Variants in CTSB observed in about 807,000 individuals in gnomAD.
CTSB encodes the protein APP secretase.
A neutral mutation model predicts 44.3 loss-of-function variants in CTSB; 57 were observed. The observed-to-expected ratio is 1.29, with a 90% CI of 1.04 to 1.60. The LOEUF (loss-of-function observed/expected upper bound fraction) is 1.60, where lower values mean the gene tolerates loss of function less well. CTSB is among the 40% of genes most tolerant of loss of function. The pLI is 0.00. For synonymous variants in CTSB, 320 were observed against 168.0 expected (o/e 1.91, Z -7.00); for missense variants, 768 against 443.0 (o/e 1.73, Z -6.59).
chr8:11,847,872 A>C, intron 6 of CTSB, 50 bp from the exon 7 acceptor site: 1 of 1,424,608 alleles, frequency 7.0e-7, no homozygotes, highest in Non-Finnish European at 9.2e-7. Context: ...CCCACGGAGA[A>C]GACCTGGGGC....
rs1280444597 is a variant in CTSB at position 11,844,443 on chromosome 8, TC to T, written c.*681del. 1 of 152,190 alleles carries T rather than the reference TC, an allele frequency of 6.6e-6. No individual in the cohort carries two copies. Among genetic ancestry groups the T allele is most frequent in the African/African-American group, 2.4e-5 (1 of 41,424 alleles). The allele number at this position is 152,190 out of a possible 1,614,324, so 9.4% of individuals were successfully genotyped here. A position where few individuals can be genotyped will look rare whatever the true frequency, so the allele number is the denominator to read the frequency against. On this transcript the variant is annotated 3_prime_UTR_variant, in exon 10 of 10. Transcript: ENST00000353047. ...ACTATTTTCCTTGTGGTAGTAGAGA[TC>T]AGTGGGTCAGAAACAACTCCTGACC...
intron 1 of CTSB, among the ~76,000 whole-genome samples, chr8:11,860,729 GCACGGGAA>G (rs1286795365): frequency 2.0e-5 from 3 of 152,240 alleles, no homozygotes; most frequent in Non-Finnish European, 4.4e-5. Flanking sequence ...GCGGCTAAGA[GCACGGGAA>G]CAGTGGAAAG....
In CTSB at chr8:11,844,634, G is replaced by A. The variant is rs1812888587; in HGVS notation, c.*491C>T. The A allele has an allele frequency of 6.4e-6, 1 of 155,962 alleles. No homozygotes were observed. The highest frequency in any genetic ancestry group is 6.2e-5 in the Admixed American group (1 of 16,018). The allele number at this position is 155,962 out of a possible 1,614,324, so 9.7% of individuals were successfully genotyped here. ...ACAAGATCAGAGAGGTTGTGACATT[G>A]CAAACTCGATAGATGCAGGGGGCCT... On this transcript the variant is annotated 3_prime_UTR_variant, in exon 10 of 10. Transcript: ENST00000353047.
At chr8:11,848,544 G>C (rs1192039022) in intron 5 of CTSB, 4 of 360,672 alleles carry the variant, frequency 1.1e-5, no homozygotes, top group East Asian at 1.4e-4. Context: ...CATTTAACTA[G>C]TTAGGGGAGA....
chr8:11,856,988 A>T (rs1227195595), intron 1 of CTSB, among the ~76,000 whole-genome samples: 1 of 152,194 alleles, frequency 6.6e-6, no homozygotes, highest in Non-Finnish European at 1.5e-5. Context: ...TCCTCAGAGC[A>T]TTTCCAATTT....
chr8:11,848,212 C>G (rs781075536), intron 5 of CTSB, 60 bp from the exon 6 acceptor site: 2 of 1,481,434 alleles, frequency 1.4e-6, no homozygotes, highest in Admixed American at 3.4e-5. Flanking sequence ...CTCCAGACCA[C>G]TGTGTGCTAC....
chr8:11,865,367 A>AC (rs779307668), intron 1 of CTSB: 2 of 151,712 alleles, frequency 1.3e-5, no homozygotes, highest in Admixed American at 1.3e-4. Context: ...ACGTGGCAAA[A>AC]CCCCCACATT....
At chr8:11,854,395 T>C (rs1815163228) in intron 1 of CTSB, among the ~76,000 whole-genome samples, 1 of 152,198 alleles carries the variant, frequency 6.6e-6, no homozygotes. Flanking sequence ...CTAGGGGTTC[T>C]ATCTGAAGAA....
chr8:11,865,508 G>C (rs985195816), intron 1 of CTSB: 12 of 12,574 alleles, frequency 9.5e-4, no homozygotes, highest in African/African-American at 3.6e-3. Context: ...AGAATGGCTT[G>C]AACACAGGAA....
rs1182209502 is a variant in CTSB, at chr8:11,845,233, AAAGT to A, written c.923-15_923-12del. 4 of 1,598,248 alleles carry A rather than the reference AAAGT, an allele frequency of 2.5e-6. No individual in the cohort carries two copies. The highest frequency in any genetic ancestry group is 2.2e-5 in the East Asian group (1 of 44,794). ...GTATTTTAAAGAAGCCTGGGAATAA[AAAGT>A]AAGGTGCTTTTAAAGTGTGACAAGG... On this transcript the variant is annotated splice_polypyrimidine_tract_variant and intron_variant, in intron 9 of 9. Coordinates refer to ENST00000353047, the MANE Select transcript of CTSB (RefSeq NM_001908.5).
At chr8:11,865,045 C>G (rs1448096963) in intron 1 of CTSB, among the ~76,000 whole-genome samples, 1 of 152,202 alleles carries the variant, frequency 6.6e-6, no homozygotes, top group Non-Finnish European at 1.5e-5. Context: ...CCCACATGCT[C>G]TTTCTCAGGC....
chr8:11,854,207 G>C (rs1308195594), intron 1 of CTSB, among the ~76,000 whole-genome samples: 1 of 152,056 alleles, frequency 6.6e-6, no homozygotes, highest in Non-Finnish European at 1.5e-5. Flanking sequence ...ATGTCTCCTG[G>C]GCGCCTGCAT....
intron 3 of CTSB, among the ~76,000 whole-genome samples, chr8:11,851,526 G>A (rs1814601055): frequency 1.3e-5 from 2 of 151,970 alleles, no homozygotes; most frequent in Admixed American, 6.6e-5. Context: ...CTAGGCTTAT[G>A]TAATGGATTT....
At chr8:11,865,258 C>G (rs1816955424) in intron 1 of CTSB, among the ~76,000 whole-genome samples, 1 of 152,176 alleles carries the variant, frequency 6.6e-6, no homozygotes, top group African/African-American at 2.4e-5. Flanking sequence ...TGAAAAGAGG[C>G]AGCAGACTGG....
rs748108653 is a variant in CTSB, at chr8:11,845,098, G to A, written c.*27C>T. On this transcript the variant is annotated 3_prime_UTR_variant, in exon 10 of 10. Transcript: ENST00000353047. ...CATTTCTACCCCGATCTCGCCCCCAGGACTGGCACGACAGGCCCACGGCAG... is the reference window on the plus strand; with the variant it reads ...CATTTCTACCCCGATCTCGCCCCCAAGACTGGCACGACAGGCCCACGGCAG... 2 of 1,496,086 alleles carry A rather than the reference G, an allele frequency of 1.3e-6. No homozygotes were observed. Among genetic ancestry groups the A allele is most frequent in the Non-Finnish European group, 1.9e-6 (2 of 1,072,756 alleles). The allele number at this position is 1,496,086 out of a possible 1,614,324, so 92.7% of individuals were successfully genotyped here.
chr8:11,853,549 C>G, intron 1 of CTSB, 70 bp from the exon 2 acceptor site: 2 of 1,475,214 alleles, frequency 1.4e-6, no homozygotes, highest in Non-Finnish European at 1.8e-6. Flanking sequence ...CACAGGGGCA[C>G]CGTCTCGGGC....
chr8:11,847,952 A>G (rs1586100983), intron 6 of CTSB, 115 bp downstream of exon 6: 1 of 1,325,972 alleles, frequency 7.5e-7, no homozygotes, highest in Non-Finnish European at 1.1e-6. Flanking sequence ...CCTGGCTAGC[A>G]CCTCTCAGCA....
intron 1 of CTSB, chr8:11,865,433 A>T (rs1455234151): frequency 6.6e-6 from 1 of 152,150 alleles, no homozygotes; most frequent in East Asian, 1.9e-4. Context: ...TACTAAAAAT[A>T]AAAAAATTAG....
intron 9 of CTSB, 145 bp downstream of exon 9, chr8:11,845,516 C>T (rs1020699437): frequency 3.1e-6 from 3 of 978,744 alleles, no homozygotes; most frequent in Middle Eastern, 2.2e-4. Context: ...GAACTCCTGA[C>T]TGCCTGGCAC....
Sources: allele counts gnomAD v4.1 joint callset (sites outside exome capture counted in the v4.1 genomes callset), GRCh38; gene constraint gnomAD v4.1.1; transcripts MANE v1.5; gene names NCBI Gene and HGNC (gene_info 2026-07-23, HGNC 2026-07-21).